Variants in MRTFB observed in about 807,000 individuals in gnomAD.
MRTFB encodes myocardin-related transcription factor B.
In MRTFB, 29 loss-of-function variants were observed where a neutral mutation model predicts 104.2. That is an observed-to-expected ratio of 0.28 (90% confidence interval 0.21 to 0.38). MRTFB has a LOEUF of 0.38. Ranked by LOEUF, MRTFB falls within the 10% of genes least tolerant of loss-of-function variation. The pLI is 1.00. For missense variants in MRTFB, 1,270 were observed against 1,341.6 expected (o/e 0.95, Z 0.83); for synonymous variants, 535 against 519.5 (o/e 1.03, Z -0.41).
At chr16:14,169,856 C>A (rs902610417) in intron 3 of MRTFB, among the ~76,000 whole-genome samples, 2 of 151,830 alleles carry the variant, frequency 1.3e-5, no homozygotes, top group African/African-American at 4.8e-5. Context: ...GAGACTCCAT[C>A]TCAATAAAAA....
chr16:14,117,478 T>G (rs28752033), intron 2 of MRTFB, among the ~76,000 whole-genome samples: 3,909 of 152,332 alleles, frequency 0.026, 180 homozygotes, highest in African/African-American at 0.089. Context: ...TTATATAGTT[T>G]TTTCTGTGTT....
chr16:14,212,335 A>AC lies in MRTFB; in HGVS notation c.221-17dup. ...TATGAACTCTATTTATACTGTGGAA[A>AC]CCATTTCTTTTCTCACAGCTTTGAA... On this transcript the variant is annotated intron_variant, in intron 4 of 16. Transcript: ENST00000571589. 1.2e-6 allele frequency: 2 copies of AC among 1,613,556 alleles called. No individual in the cohort carries two copies. The highest frequency in any genetic ancestry group is 1.7e-6 in the Non-Finnish European group (2 of 1,179,572).
chr16:14,107,460 G>C (rs1316125086), intron 2 of MRTFB, among the ~76,000 whole-genome samples: 1 of 152,100 alleles, frequency 6.6e-6, no homozygotes, highest in Non-Finnish European at 1.5e-5. Context: ...TAGCACGAAG[G>C]GGTTTATCAT....
At chr16:14,007,413 T>C in the MRTFB span, among the ~76,000 whole-genome samples, 428 of 152,348 alleles carry the variant, frequency 2.8e-3, 4 homozygotes, top group African/African-American at 1.0e-2. Context: ...GGATCAGTTC[T>C]TCATTATTGA....
chr16:14,257,247 C>T (rs2043534925), intron 15 of MRTFB, among the ~76,000 whole-genome samples: 1 of 152,096 alleles, frequency 6.6e-6, no homozygotes. Flanking sequence ...CTCCTAATTA[C>T]CCAAGAGAAG....
At position 14,192,506 on chromosome 16, in the gene MRTFB, A is replaced by C. The variant is rs73516985; in HGVS notation, c.155-17737A>C. ...ACTACTATTGAGATGAAGTTATATA[A>C]TTTTTTTATTAGAAATAATTTTATT... On this transcript the variant is annotated intron_variant, in intron 3 of 16. Transcript: ENST00000571589. 9.0e-3 allele frequency among the ~76,000 whole-genome samples: 1,364 copies of C among 152,272 alleles called. 28 individuals are homozygous for C. The highest frequency in any genetic ancestry group is 0.031 in the African/African-American group (1,296 of 41,550).
At chr16:14,146,618 C>G (rs763036303) in intron 3 of MRTFB, among the ~76,000 whole-genome samples, 6 of 152,186 alleles carry the variant, frequency 3.9e-5, no homozygotes, top group Non-Finnish European at 8.8e-5. Flanking sequence ...GTGAACTTTG[C>G]CTAGCCATGG....
At chr16:14,211,204 A>T (rs1282722528) in intron 4 of MRTFB, among the ~76,000 whole-genome samples, 1 of 152,194 alleles carries the variant, frequency 6.6e-6, no homozygotes, top group Non-Finnish European at 1.5e-5. Context: ...GAGAATCTAA[A>T]TATTTTAAAT....
chr16:14,105,558 C>T (rs1442303640), intron 2 of MRTFB, among the ~76,000 whole-genome samples: 1 of 151,960 alleles, frequency 6.6e-6, no homozygotes, highest in Non-Finnish European at 1.5e-5. Flanking sequence ...CTACCGTACC[C>T]AGCTAATTTT....
chr16:14,147,640 G>A (rs1210483717), intron 3 of MRTFB, among the ~76,000 whole-genome samples: 1 of 152,184 alleles, frequency 6.6e-6, no homozygotes, highest in African/African-American at 2.4e-5. Context: ...CCCGTTTGTA[G>A]CTGGCAGTGA....
At chr16:14,165,977 G>A (rs1056204005) in intron 3 of MRTFB, among the ~76,000 whole-genome samples, 1 of 152,204 alleles carries the variant, frequency 6.6e-6, no homozygotes, top group Non-Finnish European at 1.5e-5. Flanking sequence ...AGAGCCATAT[G>A]TTTCTATTTC....
chr16:14,237,162 G>A (rs947029178), intron 9 of MRTFB, among the ~76,000 whole-genome samples: 1 of 152,130 alleles, frequency 6.6e-6, no homozygotes, highest in Non-Finnish European at 1.5e-5. Flanking sequence ...AGAAATGTGG[G>A]TCATCGGTGT....
chr16:14,187,411 A>G (rs1286238315), intron 3 of MRTFB, among the ~76,000 whole-genome samples: 1 of 152,190 alleles, frequency 6.6e-6, no homozygotes, highest in African/African-American at 2.4e-5. Flanking sequence ...TTAGGTTTCC[A>G]AACACATAAT....
intron 8 of MRTFB, among the ~76,000 whole-genome samples, chr16:14,230,871 T>C (rs1477455370): frequency 6.6e-6 from 1 of 151,008 alleles, no homozygotes; most frequent in African/African-American, 2.5e-5. Flanking sequence ...TAGCAAAGAC[T>C]TGGAACCAAC....
At chr16:14,203,260 T>C (rs1363345543) in intron 3 of MRTFB, among the ~76,000 whole-genome samples, 2 of 151,952 alleles carry the variant, frequency 1.3e-5, no homozygotes, top group Non-Finnish European at 2.9e-5. Context: ...ACCTCTCCCC[T>C]CTCCCCTTTC....
At chr16:14,197,432 A>G (rs1720627637) in intron 3 of MRTFB, among the ~76,000 whole-genome samples, 2 of 152,216 alleles carry the variant, frequency 1.3e-5, no homozygotes, top group African/African-American at 4.8e-5. Flanking sequence ...CTTCGTTCCT[A>G]CCATCATCAG....
At chr16:14,186,396 C>T (rs1200385872) in intron 3 of MRTFB, among the ~76,000 whole-genome samples, 2 of 152,204 alleles carry the variant, frequency 1.3e-5, no homozygotes, top group Admixed American at 1.3e-4. Flanking sequence ...ATGTGCTTGT[C>T]TGGTCAATAT....
chr16:14,128,734 G>C (rs1194277552), intron 2 of MRTFB, among the ~76,000 whole-genome samples: 1 of 152,132 alleles, frequency 6.6e-6, no homozygotes, highest in Non-Finnish European at 1.5e-5. Flanking sequence ...TATTGATCGT[G>C]GCTAGAGTTA....
chr16:14,225,964 G>T (rs1226892846), intron 8 of MRTFB, among the ~76,000 whole-genome samples: 1 of 152,062 alleles, frequency 6.6e-6, no homozygotes, highest in Admixed American at 6.6e-5. Context: ...GCTGTGGAGG[G>T]GCCAACCACC....
Sources: gnomAD v4.1 joint callset for allele counts (sites outside exome capture counted in the v4.1 genomes callset) on GRCh38, gnomAD v4.1.1 for gene constraint, MANE v1.5 for transcripts, NCBI Gene and HGNC (gene_info 2026-07-23, HGNC 2026-07-21) for gene names.